Variants in AOPEP observed in about 807,000 individuals in gnomAD.
AOPEP encodes aminopeptidase O.
AOPEP carries 77 observed loss-of-function variants against 98.1 expected under a neutral mutation model. The ratio of observed to expected loss-of-function variants is 0.78; its 90% CI spans 0.65 to 0.95. AOPEP has a LOEUF of 0.95. AOPEP is among the 40% of genes least tolerant of loss of function. The pLI, the probability that AOPEP is intolerant of heterozygous loss-of-function variation, is 0.00. For missense variants in AOPEP, 1,024 were observed against 1,024.7 expected (o/e 1.00, Z 0.01); for synonymous variants, 346 against 365.3 (o/e 0.95, Z 0.60).
chr9:94,853,013 T>TTCATAAAAATATTAGAAC (rs2043747978), intron 5 of AOPEP, among the ~76,000 whole-genome samples: 1 of 152,170 alleles, frequency 6.6e-6, no homozygotes, highest in Admixed American at 6.5e-5. Flanking sequence ...AATATTAGAA[T>TTCATAAAAATATTAGAAC]TCATAAAAAT....
intron 5 of AOPEP, among the ~76,000 whole-genome samples, chr9:94,816,302 G>A (rs1408761049): frequency 5.9e-5 from 9 of 152,168 alleles, no homozygotes; most frequent in African/African-American, 2.2e-4. Context: ...TGGCCTCCAC[G>A]CAGATACACT....
Position 94,773,193 on chromosome 9 carries a change from A to C in AOPEP, c.964+25A>C, listed in dbSNP as rs78327551. 4,378 of 1,599,184 alleles carry C rather than the reference A, an allele frequency of 2.7e-3. 154 individuals carry two copies. In the East Asian group the frequency reaches 0.083, roughly 30 times the overall value. On this transcript the variant is annotated intron_variant, in intron 3 of 16. Coordinates refer to ENST00000375315, the MANE Select transcript of AOPEP (RefSeq NM_001193329.3). ...GGTACTGTACATGTGTTCTTTGCTT[A>C]TTTATGTATTGCACACATGTGGACC...
chr9:95,094,401 A>T, the AOPEP span, among the ~76,000 whole-genome samples: 1 of 152,144 alleles, frequency 6.6e-6, no homozygotes, highest in African/African-American at 2.4e-5. Flanking sequence ...CGGTGTCTTC[A>T]TTGTTGTGCA....
At chr9:95,050,077 A>G (rs1564573134) in intron 13 of AOPEP, among the ~76,000 whole-genome samples, 1 of 152,212 alleles carries the variant, frequency 6.6e-6, no homozygotes. Context: ...CATTTTTATA[A>G]CGCTATTTCA....
At chr9:94,801,088 C>A in intron 5 of AOPEP, 86 bp downstream of exon 5, 1 of 1,471,662 alleles carries the variant, frequency 6.8e-7, no homozygotes, top group Non-Finnish European at 9.4e-7. Flanking sequence ...TCTGTCAGAG[C>A]AGTCATTTGA....
the AOPEP span, among the ~76,000 whole-genome samples, chr9:95,139,689 A>AC: frequency 6.6e-5 from 10 of 151,854 alleles, no homozygotes; most frequent in East Asian, 2.0e-3. Context: ...ATGAGCAGAC[A>AC]ATGGCTTTAT....
At chr9:94,899,759 A>T (rs2050141721) in intron 5 of AOPEP, among the ~76,000 whole-genome samples, 1 of 152,102 alleles carries the variant, frequency 6.6e-6, no homozygotes, top group South Asian at 2.1e-4. Context: ...AAAAAAAAAC[A>T]AACAAAAACA....
chr9:95,044,790 G>A (rs915149246), intron 13 of AOPEP, among the ~76,000 whole-genome samples: 1 of 152,172 alleles, frequency 6.6e-6, no homozygotes. Flanking sequence ...AACCCACCTG[G>A]TGGTAAGGCA....
chr9:95,101,453 C>T, the AOPEP span: 107 of 549,734 alleles, frequency 1.9e-4, no homozygotes, highest in Non-Finnish European at 2.9e-4. Flanking sequence ...ACGGTCTGGC[C>T]GGGCGGGCAC....
At chr9:94,815,010 A>G (rs1436756308) in intron 5 of AOPEP, among the ~76,000 whole-genome samples, 1 of 152,074 alleles carries the variant, frequency 6.6e-6, no homozygotes, top group Non-Finnish European at 1.5e-5. Context: ...TTGTGTGGGA[A>G]ATTATTTTTG....
Position 94,800,865 on chromosome 9 carries a change from G to A in AOPEP, c.1227G>A (p.Thr409=), listed in dbSNP as rs563351486. Residue 409 remains threonine (T), a synonymous_variant, in exon 5 of 17, where the codon ACG becomes ACA. Coordinates refer to ENST00000375315, the MANE Select transcript of AOPEP (RefSeq NM_001193329.3). ...GGGTCTTTGCCCCTGTGTGCCTCAC[G>A]GGTGCCTGCCAAGAGACCCTTCTGC... The part of the protein sequence containing the change: ...PHRVFAPVCL[T]GACQETLLRL... 7.4e-6 allele frequency: 12 copies of A among 1,614,110 alleles called. No homozygotes were observed. Among genetic ancestry groups the A allele is most frequent in the South Asian group, 5.5e-5 (5 of 91,062 alleles).
At chr9:95,120,756 C>T in the AOPEP span, among the ~76,000 whole-genome samples, 1,065 of 152,220 alleles carry the variant, frequency 7.0e-3, 11 homozygotes, top group African/African-American at 0.024. Context: ...TTCAATCTGA[C>T]GTTTCTGCCT....
intron 5 of AOPEP, among the ~76,000 whole-genome samples, chr9:94,812,036 T>C (rs555401640): frequency 1.3e-5 from 2 of 152,272 alleles, no homozygotes; most frequent in Admixed American, 1.3e-4. Context: ...CAGGGAACAC[T>C]TCTTCTTCAG....
intron 14 of AOPEP, among the ~76,000 whole-genome samples, chr9:95,064,836 T>C (rs2067711942): frequency 6.6e-6 from 1 of 152,200 alleles, no homozygotes; most frequent in Admixed American, 6.5e-5. Flanking sequence ...ACTTAATGAT[T>C]AATAGAACTC....
chr9:94,765,840 A>G (rs1266172619), intron 2 of AOPEP, among the ~76,000 whole-genome samples: 1 of 152,184 alleles, frequency 6.6e-6, no homozygotes, highest in Non-Finnish European at 1.5e-5. Context: ...TAGTTTAGCC[A>G]TTTGGGAGTT....
At chr9:94,731,902 A>G (rs1830644268) in intron 1 of AOPEP, among the ~76,000 whole-genome samples, 1 of 144,736 alleles carries the variant, frequency 6.9e-6, no homozygotes, top group Admixed American at 7.4e-5. Flanking sequence ...CTCCTGCCTC[A>G]GCCTCCCAAG....
intron 5 of AOPEP, among the ~76,000 whole-genome samples, chr9:94,821,837 C>T (rs1431114170): frequency 1.3e-5 from 2 of 152,140 alleles, no homozygotes; most frequent in Non-Finnish European, 2.9e-5. Flanking sequence ...CTTAGTAAGG[C>T]ATGACAATAA....
chr9:95,114,702 G>A, the AOPEP span: 10 of 1,614,054 alleles, frequency 6.2e-6, no homozygotes, highest in South Asian at 1.1e-5. Context: ...CAGTGTCCCC[G>A]AGGGATATCT....
At chr9:94,783,502 A>AC (rs2133217080) in intron 3 of AOPEP, among the ~76,000 whole-genome samples, 1 of 152,298 alleles carries the variant, frequency 6.6e-6, no homozygotes, top group Non-Finnish European at 1.5e-5. Context: ...CGCTATGGGT[A>AC]TTCACGAGGG....
Sources: allele counts gnomAD v4.1 joint callset (sites outside exome capture counted in the v4.1 genomes callset), GRCh38; gene constraint gnomAD v4.1.1; transcripts MANE v1.5; gene names NCBI Gene and HGNC (gene_info 2026-07-23, HGNC 2026-07-21).